DENND2C: variants seen among roughly 807,000 people sequenced by gnomAD.
DENND2C encodes DENN domain containing 2C.
Under a neutral mutation model 112.4 loss-of-function variants are expected in DENND2C, and 72 were observed. The ratio of observed to expected loss-of-function variants is 0.64; its 90% CI spans 0.53 to 0.78. The LOEUF (loss-of-function observed/expected upper bound fraction) is 0.78, where lower values mean the gene tolerates loss of function less well. DENND2C is among the 30% of genes least tolerant of loss of function. The pLI, the probability that DENND2C is intolerant of heterozygous loss-of-function variation, is 0.00. For synonymous variants in DENND2C, 329 were observed against 381.6 expected (o/e 0.86, Z 1.61); for missense variants, 992 against 1,113.8 (o/e 0.89, Z 1.56).
chr1:114,634,356 C>T (rs960865504), intron 3 of DENND2C, among the ~76,000 whole-genome samples: 5 of 151,882 alleles, frequency 3.3e-5, no homozygotes, highest in African/African-American at 1.2e-4. Flanking sequence ...TTTTTTGAGA[C>T]AGAGTCTCAC....
intron 1 of DENND2C, among the ~76,000 whole-genome samples, chr1:114,660,276 A>C (rs2101697842): frequency 6.6e-6 from 1 of 152,352 alleles, no homozygotes; most frequent in East Asian, 1.9e-4. Flanking sequence ...GAGATTCAGA[A>C]AGTTTTCTGT....
At chr1:114,654,117 T>C (rs1657243266) in intron 2 of DENND2C, among the ~76,000 whole-genome samples, 1 of 152,166 alleles carries the variant, frequency 6.6e-6, no homozygotes, top group African/African-American at 2.4e-5. Flanking sequence ...TTTCTTTTGG[T>C]TTATCTGTAT....
chr1:114,623,585 G>A lies in DENND2C; in HGVS notation c.865C>T (p.Arg289Cys), dbSNP rs368021056. ...CCAGAATTTCTTCCAAGTTCTTCAC[G>A]AATCGTCTGTGAGTTCCGATTTCGA... ...HFRNRNSQTI[R>C]EELGRNSGSA... The change falls in exon 5 of 21, where the codon CGT becomes TGT. Residue 289 changes from arginine to cysteine, a missense_variant. Transcript: ENST00000393274. 1.9e-6 allele frequency: 3 copies of A among 1,609,446 alleles called. No individual in the cohort carries two copies. Among genetic ancestry groups the A allele is most frequent in the Non-Finnish European group, 8.5e-7 (1 of 1,177,868 alleles).
chr1:114,647,284 G>C (rs1311031997), intron 2 of DENND2C, among the ~76,000 whole-genome samples: 2 of 151,598 alleles, frequency 1.3e-5, no homozygotes, highest in Non-Finnish European at 2.9e-5. Context: ...TCAGAAGAAG[G>C]AAGAATTATT....
intron 3 of DENND2C, among the ~76,000 whole-genome samples, chr1:114,636,819 T>C (rs761910888): frequency 1.3e-5 from 2 of 151,996 alleles, no homozygotes; most frequent in East Asian, 1.9e-4. Flanking sequence ...TTACAAGATA[T>C]GAGAATTCAT....
At chr1:114,593,748 G>A (rs1036841882) in intron 18 of DENND2C, among the ~76,000 whole-genome samples, 2 of 152,100 alleles carry the variant, frequency 1.3e-5, no homozygotes, top group African/African-American at 4.8e-5. Flanking sequence ...ACTCCAGCCT[G>A]GGTGACAGAG....
At chr1:114,664,025 G>T (rs1657578478) in intron 1 of DENND2C, among the ~76,000 whole-genome samples, 1 of 138,704 alleles carries the variant, frequency 7.2e-6, no homozygotes, top group African/African-American at 2.8e-5. Context: ...TGCAATCTCT[G>T]CCTCCCGGGT....
chr1:114,630,292 G>A (rs1656454151), intron 3 of DENND2C, among the ~76,000 whole-genome samples: 2 of 151,554 alleles, frequency 1.3e-5, no homozygotes, highest in Non-Finnish European at 2.9e-5. Flanking sequence ...TGGCGACAGA[G>A]CGAGATTCGT....
In DENND2C at chr1:114,621,875, G is replaced by A. The variant is rs1387639278; in HGVS notation, c.1227+20C>T. On this transcript the variant is annotated intron_variant, in intron 7 of 20. Coordinates refer to ENST00000393274, the MANE Select transcript of DENND2C (RefSeq NM_001256404.2). ...AATGCTGAAGTAAGAGTCAAAGAAT[G>A]AAAGCACTGGAGTCTTTACCCTTGG... 1.3e-6 allele frequency: 2 copies of A among 1,549,674 alleles called. No individual in the cohort carries two copies. The highest frequency in any genetic ancestry group is 1.4e-5 in the African/African-American group (1 of 72,980).
intron 2 of DENND2C, among the ~76,000 whole-genome samples, chr1:114,651,003 G>C (rs1427819776): frequency 6.6e-6 from 1 of 152,014 alleles, no homozygotes; most frequent in Non-Finnish European, 1.5e-5. Flanking sequence ...CAGCTACTTG[G>C]GAGGCTGAGG....
chr1:114,601,705 A>G, intron 12 of DENND2C, 120 bp from the exon 13 acceptor site: 2 of 798,316 alleles, frequency 2.5e-6, no homozygotes, highest in Non-Finnish European at 4.0e-6. Flanking sequence ...CAAGGCTCTC[A>G]TCTTTAGTGA....
intron 8 of DENND2C, among the ~76,000 whole-genome samples, chr1:114,611,910 G>C (rs1655830827): frequency 6.6e-6 from 1 of 151,834 alleles, no homozygotes. Context: ...AGGCCTAGAA[G>C]TCATAAGTGA....
At chr1:114,587,998 A>G (rs1280861532) in intron 18 of DENND2C, 46 bp from the exon 19 acceptor site, 7 of 1,532,558 alleles carry the variant, frequency 4.6e-6, no homozygotes, top group Admixed American at 3.5e-5. Flanking sequence ...CTCCTCAGTT[A>G]TCTGTATCTG....
chr1:114,664,048 C>G (rs1484916053), intron 1 of DENND2C, among the ~76,000 whole-genome samples: 1 of 150,792 alleles, frequency 6.6e-6, no homozygotes, highest in East Asian at 2.0e-4. Context: ...TAGCAATTCT[C>G]CCACCTCAGC....
intron 1 of DENND2C, among the ~76,000 whole-genome samples, chr1:114,663,808 C>T (rs1410953151): frequency 6.6e-6 from 1 of 152,166 alleles, no homozygotes; most frequent in African/African-American, 2.4e-5. Context: ...TTCATTGAAG[C>T]GTTGTCTATG....
intron 2 of DENND2C, among the ~76,000 whole-genome samples, chr1:114,652,328 A>G (rs978818840): frequency 4.6e-5 from 7 of 152,324 alleles, no homozygotes; most frequent in Admixed American, 2.0e-4. Context: ...ATACATCTAT[A>G]TACAAGCCCT....
chr1:114,638,503 A>G (rs1419738519), intron 3 of DENND2C, among the ~76,000 whole-genome samples: 1 of 152,190 alleles, frequency 6.6e-6, no homozygotes, highest in Non-Finnish European at 1.5e-5. Flanking sequence ...TCACACCTGT[A>G]ATCCCAGCAC....
chr1:114,621,592 G>A (rs1656167361), intron 7 of DENND2C, among the ~76,000 whole-genome samples: 1 of 152,280 alleles, frequency 6.6e-6, no homozygotes, highest in Non-Finnish European at 1.5e-5. Context: ...CTGAGAGAAC[G>A]CCCTTTTATA....
intron 18 of DENND2C, among the ~76,000 whole-genome samples, chr1:114,592,830 G>GA (rs1655233354): frequency 6.6e-6 from 1 of 152,116 alleles, no homozygotes; most frequent in Non-Finnish European, 1.5e-5. Context: ...TCATTCCACT[G>GA]AATCTGCTGT....
Sources: allele counts gnomAD v4.1 joint callset (sites outside exome capture counted in the v4.1 genomes callset), GRCh38; gene constraint gnomAD v4.1.1; transcripts MANE v1.5; gene names NCBI Gene and HGNC (gene_info 2026-07-23, HGNC 2026-07-21).